The following NUP160 variants were observed in gnomAD, a reference collection of about 807,000 sequenced individuals.
The protein encoded by NUP160 is nuclear pore complex protein Nup160.
In NUP160, 94 loss-of-function variants were observed where a neutral mutation model predicts 196.9. That is an observed-to-expected ratio of 0.48 (90% CI 0.40 to 0.57). The LOEUF (loss-of-function observed/expected upper bound fraction) is 0.57, where lower values mean the gene tolerates loss of function less well. NUP160 is among the 20% of genes least tolerant of loss of function. The probability of loss-of-function intolerance (pLI) is 0.00; values close to 1 mark genes in which losing one functional copy is unlikely to be tolerated. For missense variants in NUP160, 1,638 were observed against 1,748.3 expected, an observed-to-expected ratio of 0.94 and a Z score of 1.13; for synonymous variants, 605 against 619.7, an observed-to-expected ratio of 0.98 and a Z score of 0.35.
chr11:47,792,323 G>A (rs1599309181), intron 28 of NUP160: 1 of 263,658 alleles, frequency 3.8e-6, no homozygotes, highest in East Asian at 9.0e-5. Context: ...AACTCAAAGT[G>A]TGTGTCCTTT....
Position 47,826,171 on chromosome 11 carries a change from A to C in NUP160, c.1102-4007T>G, listed in dbSNP as rs142791342. ...ACAAACAAACAAACAAACAAACAAA[A>C]ACCCAACAGTCCAAGCTGGTCTTAA... On this transcript the variant is annotated intron_variant, in intron 7 of 35. Transcript: ENST00000378460. 4.1e-3 allele frequency among the ~76,000 whole-genome samples: 629 copies of C among 151,730 alleles called. 1 individual carries two copies. Among genetic ancestry groups the C allele is most frequent in the African/African-American group, 0.015 (612 of 41,398 alleles).
intron 23 of NUP160, 45 bp from the exon 24 acceptor site, chr11:47,798,508 T>C: frequency 9.2e-7 from 1 of 1,091,280 alleles, no homozygotes. Flanking sequence ...AATATTGTAA[T>C]GTACTTCAAA....
At chr11:47,817,111 G>A (rs561859180) in intron 11 of NUP160, among the ~76,000 whole-genome samples, 1 of 151,508 alleles carries the variant, frequency 6.6e-6, no homozygotes, top group Admixed American at 6.6e-5. Flanking sequence ...GAGTAGCTGG[G>A]ACCACAGGTG....
chr11:47,779,995 G>A (rs2097659715), intron 35 of NUP160, among the ~76,000 whole-genome samples: 2 of 152,214 alleles, frequency 1.3e-5, no homozygotes, highest in Admixed American at 1.3e-4. Context: ...CTTCCAAAGT[G>A]CTGGGATTAT....
chr11:47,806,820 C>T (rs978004038), intron 19 of NUP160, among the ~76,000 whole-genome samples: 2 of 147,942 alleles, frequency 1.4e-5, no homozygotes, highest in Admixed American at 6.8e-5. Context: ...CACACACACA[C>T]ACACACACAC....
exon 23 of NUP160, chr11:47,801,903 A>T (rs2097674382): frequency 5.0e-6 from 8 of 1,613,914 alleles, no homozygotes; most frequent in Non-Finnish European, 6.8e-6. Flanking sequence ...CCTACTTCAG[A>T]TGCTGCCTGA....
At chr11:47,837,878 C>T (rs759348757) in intron 4 of NUP160, among the ~76,000 whole-genome samples, 13 of 152,192 alleles carry the variant, frequency 8.5e-5, no homozygotes, top group Non-Finnish European at 1.0e-4. Flanking sequence ...TATTGCCACC[C>T]GGCAGAATCA....
At chr11:47,838,774 G>C (rs1852233935) in intron 4 of NUP160, among the ~76,000 whole-genome samples, 1 of 151,994 alleles carries the variant, frequency 6.6e-6, no homozygotes, top group Admixed American at 6.6e-5. Context: ...GGGAGGCTGA[G>C]GTGGGCAGAT....
intron 33 of NUP160, among the ~76,000 whole-genome samples, chr11:47,783,884 G>C (rs1385082289): frequency 1.3e-5 from 2 of 151,928 alleles, no homozygotes; most frequent in Non-Finnish European, 2.9e-5. Context: ...AGTGGAGATG[G>C]GGTTTCACCA....
chr11:47,792,784 A>G lies in NUP160; in HGVS notation c.3450+2T>C, dbSNP rs779989871. The G allele has an allele frequency of 6.3e-7, 1 of 1,594,480 alleles. No individual in the cohort carries two copies. On this transcript the variant is annotated splice_donor_variant, in intron 28 of 35. Coordinates refer to ENST00000378460, the Ensembl canonical transcript of NUP160. LOFTEE classifies it high-confidence loss of function. The stretch of plus-strand genomic sequence containing the variant: ...AAATTCCAGGATGAAATGTTTTCAT[A>G]CCACTGCACCAGACACTGGCTGCAC...
intron 28 of NUP160, chr11:47,792,262 A>C (rs1159623263): frequency 1.4e-5 from 5 of 366,286 alleles, no homozygotes; most frequent in African/African-American, 1.0e-4. Context: ...CTCCAGAGTT[A>C]TATATAACAG....
intron 29 of NUP160, among the ~76,000 whole-genome samples, chr11:47,790,193 G>A (rs2097667109): frequency 6.6e-6 from 1 of 151,944 alleles, no homozygotes; most frequent in South Asian, 2.1e-4. Flanking sequence ...TGATCTGTCT[G>A]CCTTGGCCTC....
At chr11:47,824,430 G>A (rs1467451334) in intron 7 of NUP160, among the ~76,000 whole-genome samples, 2 of 151,214 alleles carry the variant, frequency 1.3e-5, no homozygotes, top group African/African-American at 2.4e-5. Context: ...ACGGTGAAAC[G>A]CCATCTCTAC....
At chr11:47,787,702 T>C (rs547229830) in intron 31 of NUP160, among the ~76,000 whole-genome samples, 372 of 151,716 alleles carry the variant, frequency 2.5e-3, no homozygotes, top group Middle Eastern at 0.014. Context: ...TGTGAGCCAC[T>C]GTGCCTGGCC....
intron 7 of NUP160, among the ~76,000 whole-genome samples, chr11:47,823,870 C>T (rs1014536956): frequency 5.3e-5 from 8 of 151,578 alleles, no homozygotes; most frequent in African/African-American, 1.2e-4. Context: ...TTAAACTGTA[C>T]GTACATGCAA....
In NUP160 at chr11:47,812,323, T is replaced by C. The variant is rs767413356; in HGVS notation, c.2059A>G (p.Met687Val). The C allele has an allele frequency of 3.1e-6, 5 of 1,614,156 alleles. No homozygotes were observed. The East Asian group carries it at 8.9e-5, about 29-fold the overall frequency. Residue 687 changes from methionine (M) to valine (V), a missense_variant, in exon 16 of 36, where the codon ATG becomes GTG. Physicochemically the swap from Met to Val is conservative, Grantham distance 21. Transcript: ENST00000378460. ...TTACCTGGATTGAATCCCTTTTCCA[T>C]TTCCACTTCTGTTTCATAATCCATT... is the stretch of plus-strand genomic sequence containing the variant.
chr11:47,817,226 T>G (rs1851749296), intron 11 of NUP160, among the ~76,000 whole-genome samples: 1 of 151,938 alleles, frequency 6.6e-6, no homozygotes. Flanking sequence ...TCAAGTGATC[T>G]TCCCTCTTCA....
intron 4 of NUP160, among the ~76,000 whole-genome samples, chr11:47,839,037 C>T (rs1432193397): frequency 2.0e-5 from 3 of 151,412 alleles, no homozygotes; most frequent in African/African-American, 7.3e-5. Context: ...AAAGTTGTGT[C>T]ATGTCACTGC....
Position 47,789,002 on chromosome 11 carries a change from G to A in NUP160, c.3512-391C>T, listed in dbSNP as rs529330485. On this transcript the variant is annotated intron_variant, in intron 29 of 35. Coordinates refer to ENST00000378460, the Ensembl canonical transcript of NUP160. ...TGTGATTCTCCTGCCTCAGCCTTCC[G>A]AGTAGCTGGGATTACAGGCGTGCAC... 3.2e-4 allele frequency among the ~76,000 whole-genome samples: 48 copies of A among 151,786 alleles called. No individual in the cohort carries two copies. The South Asian group carries it at 6.5e-3, about 20-fold the overall frequency.
Sources: gnomAD v4.1 joint callset for allele counts (sites outside exome capture counted in the v4.1 genomes callset) on GRCh38, gnomAD v4.1.1 for gene constraint, MANE v1.5 for transcripts, NCBI Gene and HGNC (gene_info 2026-07-23, HGNC 2026-07-21) for gene names.